The following CDH13 variants were observed in gnomAD, a reference collection of about 807,000 sequenced individuals.
The protein encoded by CDH13 is cadherin 13.
In CDH13, 24 loss-of-function variants were observed where a neutral mutation model predicts 63.8. That is an observed-to-expected ratio of 0.38 (90% CI 0.27 to 0.53). The LOEUF is 0.53. Ranked by LOEUF, CDH13 falls within the 20% of genes least tolerant of loss-of-function variation. The pLI is 0.85. For missense variants in CDH13, 1,049 were observed against 903.1 expected, an observed-to-expected ratio of 1.16 and a Z score of -2.07; for synonymous variants, 503 against 355.3, an observed-to-expected ratio of 1.42 and a Z score of -4.67.
chr16:82,712,583 C>T (rs1217049942), intron 1 of CDH13, among the ~76,000 whole-genome samples: 1 of 152,234 alleles, frequency 6.6e-6, no homozygotes, highest in East Asian at 1.9e-4. Flanking sequence ...TTGTCCCTTT[C>T]TCACATGGAT....
intron 8 of CDH13, among the ~76,000 whole-genome samples, chr16:83,606,213 A>T (rs1197287253): frequency 1.3e-5 from 2 of 152,232 alleles, no homozygotes; most frequent in African/African-American, 4.8e-5. Flanking sequence ...TGTTGTCCTA[A>T]GTAAATTTTT....
chr16:83,681,867 A>C, intron 10 of CDH13, among the ~76,000 whole-genome samples: 1 of 148,766 alleles, frequency 6.7e-6, no homozygotes, highest in East Asian at 2.0e-4. Flanking sequence ...GACAGATGCA[A>C]CGGCCTTCCA....
intron 2 of CDH13, among the ~76,000 whole-genome samples, chr16:82,874,748 T>A (rs1353809226): frequency 1.3e-5 from 2 of 152,210 alleles, no homozygotes; most frequent in Non-Finnish European, 2.9e-5. Context: ...TGGTTAGCAC[T>A]GCATTTTTCC....
At chr16:83,630,641 A>T (rs1475926478) in intron 8 of CDH13, among the ~76,000 whole-genome samples, 1 of 152,210 alleles carries the variant, frequency 6.6e-6, no homozygotes, top group Non-Finnish European at 1.5e-5. Flanking sequence ...GGAAGCAATT[A>T]GATATGCATT....
intron 4 of CDH13, among the ~76,000 whole-genome samples, chr16:83,209,628 A>G (rs1360225143): frequency 2.6e-5 from 4 of 152,146 alleles, no homozygotes; most frequent in Non-Finnish European, 5.9e-5. Flanking sequence ...GTACTTCTTC[A>G]CTCAGAGTGT....
rs151328265 is a variant in CDH13 at position 83,524,245 on chromosome 16, T to A, written c.960+37590T>A. On this transcript the variant is annotated intron_variant, in intron 7 of 13. Coordinates refer to ENST00000567109, the MANE Select transcript of CDH13 (RefSeq NM_001257.5). ...TAGAAGAATAAATCAGCATGCAGTG[T>A]ACATGAGTAATATATTCATACCAGG... 7.2e-5 allele frequency among the ~76,000 whole-genome samples: 11 copies of A among 152,258 alleles called. No homozygotes were observed. The East Asian group carries it at 2.1e-3, about 29-fold the overall frequency.
intron 12 of CDH13, 90 bp downstream of exon 12, chr16:83,780,291 A>G (rs936297243): frequency 7.0e-5 from 57 of 815,356 alleles, no homozygotes; most frequent in South Asian, 1.7e-4. Flanking sequence ...TGTTCTCTCA[A>G]GTATTCTCAT....
At chr16:82,652,444 A>C (rs762809120) in intron 1 of CDH13, among the ~76,000 whole-genome samples, 5 of 152,218 alleles carry the variant, frequency 3.3e-5, no homozygotes, top group Non-Finnish European at 7.3e-5. Flanking sequence ...AAAGCCATTC[A>C]TCTGGTTTGA....
At chr16:82,812,350 C>G (rs1489472299) in intron 1 of CDH13, among the ~76,000 whole-genome samples, 1 of 151,860 alleles carries the variant, frequency 6.6e-6, no homozygotes, top group African/African-American at 2.4e-5. Flanking sequence ...TGAAACTTCC[C>G]CAAAGAAAAA....
intron 5 of CDH13, among the ~76,000 whole-genome samples, chr16:83,238,725 C>A (rs954438057): frequency 1.5e-5 from 2 of 131,760 alleles, no homozygotes. Flanking sequence ...TTAACCAGTA[C>A]CTCCATATGT....
intron 1 of CDH13, among the ~76,000 whole-genome samples, chr16:82,792,802 C>G (rs184436903): frequency 6.6e-6 from 1 of 152,222 alleles, no homozygotes. Flanking sequence ...AATCATCACC[C>G]AATGCCCAAC....
chr16:83,237,448 G>C (rs368532810), intron 5 of CDH13, among the ~76,000 whole-genome samples: 4 of 152,366 alleles, frequency 2.6e-5, no homozygotes, highest in South Asian at 2.1e-4. Context: ...AATGATAGAA[G>C]TGTTCCATAA....
intron 3 of CDH13, among the ~76,000 whole-genome samples, chr16:83,043,807 A>G (rs1917542829): frequency 6.6e-6 from 1 of 151,598 alleles, no homozygotes; most frequent in South Asian, 2.1e-4. Flanking sequence ...AGTCTGGGCA[A>G]CGGAGCAAGT....
At chr16:83,718,759 C>A (rs1909284567) in intron 10 of CDH13, among the ~76,000 whole-genome samples, 1 of 152,336 alleles carries the variant, frequency 6.6e-6, no homozygotes, top group South Asian at 2.1e-4. Flanking sequence ...CCCCTAGCTT[C>A]TGCAGCTATT....
chr16:82,671,968 C>T (rs370924103), intron 1 of CDH13, among the ~76,000 whole-genome samples: 1 of 152,188 alleles, frequency 6.6e-6, no homozygotes, highest in Non-Finnish European at 1.5e-5. Context: ...TGCCCTCCCC[C>T]TCTTGCCCTG....
intron 1 of CDH13, among the ~76,000 whole-genome samples, chr16:82,756,325 A>C (rs1226853533): frequency 6.6e-6 from 1 of 152,184 alleles, no homozygotes; most frequent in Non-Finnish European, 1.5e-5. Context: ...TAGGGAAAGA[A>C]GTCATGAGTC....
chr16:83,115,320 G>A (rs4075465), intron 3 of CDH13, among the ~76,000 whole-genome samples: 74,519 of 152,124 alleles, frequency 0.49, 18,725 homozygotes, highest in Non-Finnish European at 0.55. Context: ...ATCATACAAT[G>A]TGTTTAGCAC....
intron 4 of CDH13, among the ~76,000 whole-genome samples, chr16:83,132,230 C>A (rs61292009): frequency 6.6e-6 from 1 of 152,116 alleles, no homozygotes; most frequent in East Asian, 1.9e-4. Flanking sequence ...TCCATCACCC[C>A]TCTCCTGAAA....
At chr16:83,266,535 C>T (rs1386100170) in intron 5 of CDH13, among the ~76,000 whole-genome samples, 1 of 152,100 alleles carries the variant, frequency 6.6e-6, no homozygotes. Flanking sequence ...ATCAGGAACC[C>T]ACTCCCACTG....
Sources: gnomAD v4.1 joint callset for allele counts (sites outside exome capture counted in the v4.1 genomes callset) on GRCh38, gnomAD v4.1.1 for gene constraint, MANE v1.5 for transcripts, NCBI Gene and HGNC (gene_info 2026-07-23, HGNC 2026-07-21) for gene names.